Variants in STPG2 observed in about 807,000 individuals in gnomAD.
STPG2 encodes the protein sperm-tail PG-rich repeat-containing protein 2.
STPG2 carries 56 observed loss-of-function variants against 54.2 expected under a neutral mutation model. That is an observed-to-expected ratio of 1.03 (90% CI 0.83 to 1.29). The LOEUF (loss-of-function observed/expected upper bound fraction) is 1.29, where lower values mean the gene tolerates loss of function less well. STPG2 is among the 50% of genes most tolerant of loss of function. The pLI is 0.00. For missense variants in STPG2, 596 were observed against 544.9 expected (o/e 1.09, Z -0.93); for synonymous variants, 200 against 181.8 (o/e 1.10, Z -0.81).
chr4:97,738,904 T>C (rs1404479814), intron 9 of STPG2, among the ~76,000 whole-genome samples: 3 of 152,110 alleles, frequency 2.0e-5, no homozygotes, highest in African/African-American at 4.8e-5. Flanking sequence ...ATCAACAGAA[T>C]ATACATTTTT....
chr4:97,742,543 G>GTATA (rs1560510865), intron 9 of STPG2, among the ~76,000 whole-genome samples: 17 of 142,332 alleles, frequency 1.2e-4, no homozygotes, highest in African/African-American at 3.6e-4. Context: ...GTGTGTGTGT[G>GTATA]TGTGTGTGTG....
intron 10 of STPG2, among the ~76,000 whole-genome samples, chr4:97,562,702 T>G (rs1732290713): frequency 6.6e-6 from 1 of 152,212 alleles, no homozygotes; most frequent in Non-Finnish European, 1.5e-5. Context: ...GAGATAATCC[T>G]GTGTTTTTTG....
chr4:97,642,060 T>A (rs542852858), intron 10 of STPG2, among the ~76,000 whole-genome samples: 1 of 151,550 alleles, frequency 6.6e-6, no homozygotes, highest in Admixed American at 6.6e-5. Context: ...CAAATTATTG[T>A]ATTGGCAATA....
intron 10 of STPG2, among the ~76,000 whole-genome samples, chr4:97,601,065 T>A (rs1733448119): frequency 6.6e-6 from 1 of 152,034 alleles, no homozygotes; most frequent in South Asian, 2.1e-4. Context: ...GTGGGATGGA[T>A]GAGATGAAGA....
At chr4:97,803,732 G>T (rs1211913180) in intron 9 of STPG2, among the ~76,000 whole-genome samples, 1 of 152,070 alleles carries the variant, frequency 6.6e-6, no homozygotes, top group Non-Finnish European at 1.5e-5. Flanking sequence ...GTAGAGACAG[G>T]GTTTCACCAT....
intron 9 of STPG2, among the ~76,000 whole-genome samples, chr4:97,833,045 T>C (rs1728517299): frequency 6.6e-6 from 1 of 152,140 alleles, no homozygotes; most frequent in Admixed American, 6.5e-5. Context: ...GGAGCCCGCA[T>C]TGCCAAGACA....
chr4:97,722,173 T>C (rs1724470851), intron 9 of STPG2, among the ~76,000 whole-genome samples: 1 of 151,694 alleles, frequency 6.6e-6, no homozygotes, highest in South Asian at 2.1e-4. Flanking sequence ...AAGCTATCCA[T>C]GATTAGTATG....
chr4:97,939,499 T>A (rs1256967217), intron 8 of STPG2, among the ~76,000 whole-genome samples: 1 of 152,210 alleles, frequency 6.6e-6, no homozygotes. Context: ...TGGGTGCATA[T>A]ATATTTAGAA....
chr4:97,897,518 C>T (rs534093320), intron 8 of STPG2, among the ~76,000 whole-genome samples: 2 of 152,230 alleles, frequency 1.3e-5, no homozygotes, highest in African/African-American at 4.8e-5. Context: ...TTTACACTCC[C>T]ACTAACAGTG....
At chr4:97,562,156 C>T (rs940814301) in intron 10 of STPG2, among the ~76,000 whole-genome samples, 70 of 152,250 alleles carry the variant, frequency 4.6e-4, no homozygotes, top group East Asian at 3.3e-3. Context: ...AGGTCCTTCA[C>T]GTCCCTCGTA....
At chr4:97,715,860 A>T (rs1425655228) in intron 9 of STPG2, among the ~76,000 whole-genome samples, 2 of 152,206 alleles carry the variant, frequency 1.3e-5, no homozygotes, top group Non-Finnish European at 2.9e-5. Context: ...TAATTAAACT[A>T]AAGAGCTTCT....
At chr4:97,873,961 A>G (rs1730084013) in intron 8 of STPG2, among the ~76,000 whole-genome samples, 1 of 151,598 alleles carries the variant, frequency 6.6e-6, no homozygotes, top group Non-Finnish European at 1.5e-5. Context: ...AAAAAAAGTC[A>G]AAGTATTTTC....
intron 8 of STPG2, among the ~76,000 whole-genome samples, chr4:97,902,514 C>T (rs565124969): frequency 1.1e-4 from 16 of 152,188 alleles, no homozygotes; most frequent in Admixed American, 7.2e-4. Context: ...CTAAAGAAGA[C>T]ATTTGTATGG....
At chr4:97,963,081 C>T (rs1450721174) in intron 7 of STPG2, among the ~76,000 whole-genome samples, 1 of 152,110 alleles carries the variant, frequency 6.6e-6, no homozygotes, top group African/African-American at 2.4e-5. Flanking sequence ...AATGCTTGAA[C>T]CCGGGAGGCA....
chr4:97,982,140 TC>T (rs1312692826), intron 5 of STPG2, among the ~76,000 whole-genome samples: 1 of 152,180 alleles, frequency 6.6e-6, no homozygotes, highest in East Asian at 1.9e-4. Context: ...CGTCTCAGCC[TC>T]CCAAAGTGCT....
intron 10 of STPG2, among the ~76,000 whole-genome samples, chr4:97,698,802 T>C (rs1723670644): frequency 6.6e-6 from 1 of 152,132 alleles, no homozygotes; most frequent in Non-Finnish European, 1.5e-5. Flanking sequence ...ATTCCACTAT[T>C]CTATCAATCC....
intron 7 of STPG2, among the ~76,000 whole-genome samples, chr4:97,950,289 C>T (rs140128435): frequency 7.1e-4 from 108 of 152,016 alleles, no homozygotes; most frequent in African/African-American, 2.2e-3. Flanking sequence ...AAACTTTGTT[C>T]ATTTCTGTTC....
At chr4:97,941,544 C>T (rs1413416400) in intron 8 of STPG2, among the ~76,000 whole-genome samples, 1 of 151,530 alleles carries the variant, frequency 6.6e-6, no homozygotes, top group Non-Finnish European at 1.5e-5. Context: ...AAAATATTTC[C>T]CTGGGATGTT....
chr4:97,699,808 G>A lies in STPG2; in HGVS notation c.1320+12891C>T, dbSNP rs577335423. The stretch of plus-strand genomic sequence containing the variant: ...ACTCCCCATGAGGCCATCAGTGCAG[G>A]CTGGAGGAGACGAGGCAGTGTGGCA... On this transcript the variant is annotated intron_variant, in intron 10 of 10. Coordinates refer to ENST00000295268, the MANE Select transcript of STPG2 (RefSeq NM_174952.3). 7.2e-5 allele frequency among the ~76,000 whole-genome samples: 11 copies of A among 152,300 alleles called. No homozygotes were observed. In the South Asian group the frequency reaches 1.7e-3, roughly 23 times the overall value.
Sources: allele counts gnomAD v4.1 joint callset (sites outside exome capture counted in the v4.1 genomes callset), GRCh38; gene constraint gnomAD v4.1.1; transcripts MANE v1.5; gene names NCBI Gene and HGNC (gene_info 2026-07-23, HGNC 2026-07-21).